Variants in RASSF2 observed in about 807,000 individuals in gnomAD.
The protein encoded by RASSF2 is ras association domain-containing protein 2.
In RASSF2, 34 loss-of-function variants were observed where a neutral mutation model predicts 46.3. The observed-to-expected ratio is 0.73, with a 90% CI of 0.56 to 0.98. RASSF2 has a LOEUF of 0.98. Among genes scored for constraint, RASSF2 ranks in the 50% least tolerant of loss-of-function variants. The pLI, the probability that RASSF2 is intolerant of heterozygous loss-of-function variation, is 0.00. For synonymous variants in RASSF2, 158 were observed against 162.5 expected (o/e 0.97, Z 0.21); for missense variants, 364 against 431.2 (o/e 0.84, Z 1.38).
chr20:4,814,221 G>A (rs1326498876), intron 2 of RASSF2, among the ~76,000 whole-genome samples: 3 of 152,162 alleles, frequency 2.0e-5, no homozygotes, highest in South Asian at 2.1e-4. Flanking sequence ...AAGTGCTCCC[G>A]ATGGCCCATC....
intron 4 of RASSF2, 137 bp from the exon 5 acceptor site, chr20:4,796,103 T>A: frequency 1.2e-6 from 1 of 841,998 alleles, no homozygotes; most frequent in Non-Finnish European, 1.6e-6. Flanking sequence ...TAGGGGCAGC[T>A]GCCCAGTTCA....
chr20:4,803,879 G>T (rs892124487), intron 2 of RASSF2, among the ~76,000 whole-genome samples: 2 of 151,978 alleles, frequency 1.3e-5, no homozygotes, highest in African/African-American at 4.8e-5. Flanking sequence ...GGCAACATGG[G>T]GAGATCCCAT....
At chr20:4,810,093 T>G (rs1181216868) in intron 2 of RASSF2, among the ~76,000 whole-genome samples, 1 of 152,228 alleles carries the variant, frequency 6.6e-6, no homozygotes, top group African/African-American at 2.4e-5. Flanking sequence ...CTACTGGGTC[T>G]GTCACTGTCC....
rs543528406 is a variant in RASSF2 at position 4,783,895 on chromosome 20, T to C, written c.*378A>G. ...CACTCAGATCAGTGGCTCCTCTGAT[T>C]TTCCTGCTCACGAGCAGCACATGTG... On this transcript the variant is annotated 3_prime_UTR_variant, in exon 12 of 12. Transcript: ENST00000379400. The C allele has an allele frequency of 3.7e-5, 7 of 190,258 alleles. No homozygotes were observed. In the East Asian group the frequency reaches 8.7e-4, roughly 24 times the overall value. 11.8% of individuals were successfully genotyped at this position (190,258 alleles called of 1,614,324 possible).
chr20:4,809,485 G>T (rs533866864), intron 2 of RASSF2, among the ~76,000 whole-genome samples: 1 of 152,084 alleles, frequency 6.6e-6, no homozygotes, highest in Non-Finnish European at 1.5e-5. Context: ...AGCACAGCAC[G>T]TACCCCACAC....
chr20:4,816,048 T>A (rs1928279861), intron 2 of RASSF2, among the ~76,000 whole-genome samples: 1 of 152,200 alleles, frequency 6.6e-6, no homozygotes, highest in Non-Finnish European at 1.5e-5. Flanking sequence ...ACACCTGTAA[T>A]CCCAGCAATT....
chr20:4,805,742 G>A (rs1927293303), intron 2 of RASSF2, among the ~76,000 whole-genome samples: 1 of 152,186 alleles, frequency 6.6e-6, no homozygotes, highest in East Asian at 1.9e-4. Context: ...ACAGACTCTA[G>A]AGAGTTCGAA....
intron 2 of RASSF2, among the ~76,000 whole-genome samples, chr20:4,822,027 C>G (rs1928723859): frequency 6.6e-6 from 1 of 152,204 alleles, no homozygotes; most frequent in Non-Finnish European, 1.5e-5. Context: ...TCAAACAACC[C>G]GATATATCTT....
intron 11 of RASSF2, among the ~76,000 whole-genome samples, chr20:4,785,869 C>T (rs1925285644): frequency 6.6e-6 from 1 of 152,206 alleles, no homozygotes; most frequent in Non-Finnish European, 1.5e-5. Context: ...CATCTGTCTC[C>T]TGCTGGGAGC....
Position 4,795,960 on chromosome 20 carries a change from C to T in RASSF2, c.142G>A (p.Asp48Asn). The T allele has an allele frequency of 6.6e-7, 1 of 1,518,736 alleles. No homozygotes were observed. Among genetic ancestry groups the T allele is most frequent in the South Asian group, 1.2e-5 (1 of 80,316 alleles). 94.1% of individuals were successfully genotyped at this position (1,518,736 alleles called of 1,614,324 possible). A position where few individuals can be genotyped will look rare whatever the true frequency, so the allele number is the denominator to read the frequency against. ...NLQLRHREEEDEFIVEGLLNI... is the reference protein window; with the variant it reads ...NLQLRHREEENEFIVEGLLNI... ...AGGAGCCCCTCCACAATGAACTCGT[C>T]TTCTTCCTGCCCACAAAGCAATCAG... is the stretch of plus-strand genomic sequence containing the variant. Residue 48 changes from aspartate to asparagine, a missense_variant, in exon 5 of 12, where the codon GAC becomes AAC. Coordinates refer to ENST00000379400, the MANE Select transcript of RASSF2 (RefSeq NM_014737.3). This position sits in a 1 kb window ranked among gnomAD's most constrained non-coding sequence, Gnocchi z 4.0.
chr20:4,787,582 C>G (rs112483016), intron 10 of RASSF2, 51 bp downstream of exon 10: 3 of 1,611,652 alleles, frequency 1.9e-6, no homozygotes, highest in African/African-American at 2.7e-5. Flanking sequence ...GGTGGTCCAA[C>G]CAAATCCCCA....
intron 2 of RASSF2, among the ~76,000 whole-genome samples, chr20:4,802,353 G>A (rs1306095334): frequency 1.3e-5 from 2 of 152,012 alleles, no homozygotes; most frequent in Middle Eastern, 3.2e-3. Flanking sequence ...CAAAACTGTC[G>A]ACAGACACTA....
intron 3 of RASSF2, 124 bp downstream of exon 3, chr20:4,800,848 C>A (rs1040157639): frequency 1.3e-6 from 1 of 787,538 alleles, no homozygotes; most frequent in Non-Finnish European, 2.2e-6. Context: ...CTCCTTCCCC[C>A]ATGCAGGAGC....
Position 4,822,388 on chromosome 20 carries a change from C to T in RASSF2, c.-92G>A, listed in dbSNP as rs1274072840. 3 of 150,970 alleles carry T rather than the reference C, an allele frequency of 2.0e-5. No individual in the cohort carries two copies. Among genetic ancestry groups the T allele is most frequent in the African/African-American group, 7.3e-5 (3 of 40,996 alleles). The allele number at this position is 150,970 out of a possible 1,614,324, so 9.4% of individuals were successfully genotyped here. ...TCTCCCGAAAAACACGTTCTAGGCG[C>T]CGGGATTCCAGATACCTGGGAAATA... On this transcript the variant is annotated 5_prime_UTR_variant, in exon 2 of 12. Transcript: ENST00000379400.
intron 2 of RASSF2, among the ~76,000 whole-genome samples, chr20:4,813,272 A>G (rs75692578): frequency 0.025 from 3,776 of 152,058 alleles, 149 homozygotes; most frequent in African/African-American, 0.085. Context: ...GAACTGAAAC[A>G]CAGCAAGGGC....
At chr20:4,785,410 CT>C (rs1925239464) in intron 11 of RASSF2, among the ~76,000 whole-genome samples, 1 of 152,180 alleles carries the variant, frequency 6.6e-6, no homozygotes, top group Non-Finnish European at 1.5e-5. Context: ...TGTTATCAGA[CT>C]AGTTATGATC....
At chr20:4,789,765 G>C (rs115414357) in intron 7 of RASSF2, 68 bp from the exon 8 acceptor site, 16 of 1,311,166 alleles carry the variant, frequency 1.2e-5, no homozygotes, top group Non-Finnish European at 1.8e-5. Context: ...ATCCAGGTGC[G>C]GTACAGGGCA....
At chr20:4,816,376 G>T (rs768661482) in intron 2 of RASSF2, among the ~76,000 whole-genome samples, 1 of 152,182 alleles carries the variant, frequency 6.6e-6, no homozygotes, top group Non-Finnish European at 1.5e-5. Context: ...AATATTGTTT[G>T]ATTCCATTGA....
intron 2 of RASSF2, among the ~76,000 whole-genome samples, chr20:4,804,079 A>T (rs1287174585): frequency 6.6e-6 from 1 of 151,976 alleles, no homozygotes; most frequent in Non-Finnish European, 1.5e-5. Flanking sequence ...TAAATTAAAT[A>T]ATAAAATAAA....
Sources: allele counts gnomAD v4.1 joint callset (sites outside exome capture counted in the v4.1 genomes callset), GRCh38; gene constraint gnomAD v4.1.1; non-coding constraint Gnocchi (gnomAD v3.1); transcripts MANE v1.5; gene names NCBI Gene and HGNC (gene_info 2026-07-23, HGNC 2026-07-21).